Variants in BID observed in about 807,000 individuals in gnomAD.
The protein encoded by BID is BH3-interacting domain death agonist.
A neutral mutation model predicts 17.4 loss-of-function variants in BID; 19 were observed. The ratio of observed to expected loss-of-function variants is 1.09; its 90% CI spans 0.76 to 1.60. The LOEUF (loss-of-function observed/expected upper bound fraction) is 1.60. Among genes scored for constraint, BID ranks in the 40% most tolerant of loss-of-function variants. The pLI, the probability that BID is intolerant of heterozygous loss-of-function variation, is 0.00. For synonymous variants in BID, 108 were observed against 102.8 expected, an observed-to-expected ratio of 1.05 and a Z score of -0.31; for missense variants, 226 against 256.0, an observed-to-expected ratio of 0.88 and a Z score of 0.80.
At chr22:17,736,029 C>T (rs1274415584) in intron 5 of BID, among the ~76,000 whole-genome samples, 1 of 152,180 alleles carries the variant, frequency 6.6e-6, no homozygotes, top group African/African-American at 2.4e-5. Flanking sequence ...TATATTCATT[C>T]TCCTGTTTTT....
In BID at chr22:17,738,003, T is replaced by A; in HGVS notation, c.576+14A>T. The A allele has an allele frequency of 3.1e-6, 5 of 1,613,616 alleles. No individual in the cohort carries two copies. Among genetic ancestry groups the A allele is most frequent in the Non-Finnish European group, 4.2e-6 (5 of 1,179,586 alleles). ...GCGGCAGGCAGGGAAGGAGCTGACC[T>A]CAAGGGTTCTTACATTTCTGGCTAA... is the stretch of plus-strand genomic sequence containing the variant. On this transcript the variant is annotated intron_variant, in intron 5 of 5. Transcript: ENST00000622694.
At position 17,769,321 on chromosome 22, in the gene BID, C is replaced by T. The variant is rs2061702659; in HGVS notation, c.-59+5060G>A. Among the ~76,000 whole-genome samples the T allele has an allele frequency of 6.6e-6, 1 of 152,250 alleles. No homozygotes were observed. The highest frequency in any genetic ancestry group is 6.5e-5 in the Admixed American group (1 of 15,294). On this transcript the variant is annotated intron_variant, in intron 1 of 5. Coordinates refer to ENST00000622694, the MANE Select transcript of BID (RefSeq NM_001196.4). This position sits in a 1 kb window ranked among gnomAD's most constrained non-coding sequence, Gnocchi z 4.8. ...TTCCACAAAGGCCCCTAGCTGGGCT[C>T]CCTGCTCAGTTGGCCGGGTTTGGGG... is the stretch of plus-strand genomic sequence containing the variant.
chr22:17,758,349 T>C (rs1489662396), intron 1 of BID, among the ~76,000 whole-genome samples: 2 of 152,200 alleles, frequency 1.3e-5, no homozygotes, highest in Admixed American at 6.5e-5. Flanking sequence ...CTGGCCGCAC[T>C]AGGAACTTAT....
intron 2 of BID, among the ~76,000 whole-genome samples, chr22:17,744,704 T>TG (rs1480066820): frequency 8.5e-5 from 13 of 152,340 alleles, no homozygotes; most frequent in African/African-American, 3.1e-4. Context: ...CACTGGCAGC[T>TG]GCAGCTTGGC....
intron 1 of BID, among the ~76,000 whole-genome samples, chr22:17,762,758 G>A (rs2061649368): frequency 6.6e-6 from 1 of 151,846 alleles, no homozygotes; most frequent in Admixed American, 6.6e-5. Flanking sequence ...ACAGAATATA[G>A]GGATAAAAGC....
In BID at chr22:17,736,683, A is replaced by G. The variant is rs534335489; in HGVS notation, c.577-1092T>C. Among the ~76,000 whole-genome samples the G allele has an allele frequency of 4.6e-5, 7 of 152,312 alleles. No homozygotes were observed. The South Asian group carries it at 8.3e-4, about 18-fold the overall frequency. On this transcript the variant is annotated intron_variant, in intron 5 of 5. Transcript: ENST00000622694. ...GTTCAGGCTGGAGTGCAGTGGCACAATCAGCTCACTGCAGCCTTGAACTCC... is the reference window on the plus strand; with the variant it reads ...GTTCAGGCTGGAGTGCAGTGGCACAGTCAGCTCACTGCAGCCTTGAACTCC...
At chr22:17,751,352 C>T (rs1395803250) in intron 1 of BID, among the ~76,000 whole-genome samples, 2 of 150,930 alleles carry the variant, frequency 1.3e-5, no homozygotes, top group Middle Eastern at 3.4e-3. Flanking sequence ...GCAGTCCGAC[C>T]TGGGCGACAG....
intron 3 of BID, 167 bp from the exon 4 acceptor site, chr22:17,739,655 A>G: frequency 1.1e-6 from 1 of 907,844 alleles, no homozygotes; most frequent in Non-Finnish European, 1.6e-6. Flanking sequence ...CGGGCTGAGT[A>G]CCAGCGCTGA....
intron 1 of BID, among the ~76,000 whole-genome samples, chr22:17,762,104 C>G (rs918439007): frequency 6.6e-6 from 1 of 152,094 alleles, no homozygotes; most frequent in Non-Finnish European, 1.5e-5. Context: ...CTGCAACAAC[C>G]GAGAATCCAG....
At chr22:17,743,743 G>C in intron 3 of BID, 60 bp downstream of exon 3, 1 of 1,526,214 alleles carries the variant, frequency 6.6e-7, no homozygotes, top group Non-Finnish European at 8.8e-7. Context: ...GAGGCTCCCT[G>C]AATGTTACTG....
At position 17,739,312 on chromosome 22, in the gene BID, A is replaced by G; in HGVS notation, c.363+37T>C. On this transcript the variant is annotated intron_variant, in intron 4 of 5. Coordinates refer to ENST00000622694, the MANE Select transcript of BID (RefSeq NM_001196.4). ...GGCAGGGGACAGGCCCCCTTGGCTC[A>G]CTTGCCCGCCCACGCGGTCCTCAGG... 2.0e-6 allele frequency: 3 copies of G among 1,518,032 alleles called. No homozygotes were observed. The South Asian group carries it at 3.6e-5, about 18-fold the overall frequency. The allele number at this position is 1,518,032 out of a possible 1,614,324, so 94.0% of individuals were successfully genotyped here. A position where few individuals can be genotyped will look rare whatever the true frequency, so the allele number is the denominator to read the frequency against.
In BID at chr22:17,773,141, A is replaced by AGAGGGGCAG. The variant is rs2061732970; in HGVS notation, c.-59+1231_-59+1239dup. Among the ~76,000 whole-genome samples the AGAGGGGCAG allele has an allele frequency of 6.6e-6, 1 of 152,082 alleles. No homozygotes were observed. On this transcript the variant is annotated intron_variant, in intron 1 of 5. Transcript: ENST00000622694. The surrounding 1 kb of genome is among the most constrained non-coding windows in gnomAD (Gnocchi z 4.4). ...GCATTTCCTCTTCCCTCCCTGGGCA[A>AGAGGGGCAG]GAGGGGCAGAAGGGGCAGGGACGCA...
chr22:17,770,532 T>G (rs535323381), intron 1 of BID, among the ~76,000 whole-genome samples: 1 of 152,290 alleles, frequency 6.6e-6, no homozygotes, highest in East Asian at 1.9e-4. Context: ...AGAATGAATG[T>G]GAGGAATAAA....
intron 1 of BID, among the ~76,000 whole-genome samples, chr22:17,760,817 C>A (rs2061632858): frequency 6.6e-6 from 1 of 152,132 alleles, no homozygotes; most frequent in African/African-American, 2.4e-5. Context: ...CATGGGAAGA[C>A]TCAAAGTCTC....
intron 1 of BID, among the ~76,000 whole-genome samples, chr22:17,760,140 A>AT (rs1424465022): frequency 1.0e-4 from 15 of 148,462 alleles, no homozygotes; most frequent in African/African-American, 1.2e-4. Context: ...TCTCAAAAAA[A>AT]AAAAAAAAAA....
chr22:17,755,754 C>G (rs969992881), intron 1 of BID, among the ~76,000 whole-genome samples: 1 of 146,050 alleles, frequency 6.8e-6, no homozygotes, highest in African/African-American at 2.6e-5. Flanking sequence ...CAGCAGAGAT[C>G]GCACTACTGC....
intron 1 of BID, among the ~76,000 whole-genome samples, chr22:17,772,268 G>A (rs947102484): frequency 5.3e-5 from 8 of 152,268 alleles, no homozygotes; most frequent in Admixed American, 3.3e-4. Flanking sequence ...GCCGCTGAGG[G>A]CGGTCCGCCA....
rs189629146 is a variant in BID at position 17,734,847 on chromosome 22, T to G, written c.*733A>C. The G allele has an allele frequency of 2.0e-5, 3 of 152,332 alleles. No homozygotes were observed. Among genetic ancestry groups the G allele is most frequent in the Admixed American group, 1.3e-4 (2 of 15,296 alleles). The allele number at this position is 152,332 out of a possible 1,614,324, so 9.4% of individuals were successfully genotyped here. On this transcript the variant is annotated 3_prime_UTR_variant, in exon 6 of 6. Transcript: ENST00000622694. The stretch of plus-strand genomic sequence containing the variant: ...AAGTGTATGCAGTTAGTTACCTGAT[T>G]TTGTAAACAAACAGTGGCTGACCTG...
intron 1 of BID, among the ~76,000 whole-genome samples, chr22:17,767,500 A>G (rs1266608221): frequency 1.3e-5 from 2 of 152,248 alleles, no homozygotes; most frequent in African/African-American, 4.8e-5. Context: ...CAGGTGTCAA[A>G]GAGGTATCCT....
Sources: allele counts gnomAD v4.1 joint callset (sites outside exome capture counted in the v4.1 genomes callset), GRCh38; gene constraint gnomAD v4.1.1; non-coding constraint Gnocchi (gnomAD v3.1); transcripts MANE v1.5; gene names NCBI Gene and HGNC (gene_info 2026-07-23, HGNC 2026-07-21).